Variants in SGCZ observed in about 807,000 individuals in gnomAD.
SGCZ encodes sarcoglycan zeta.
Under a neutral mutation model 41.3 loss-of-function variants are expected in SGCZ, and 40 were observed. The observed-to-expected ratio is 0.97, with a 90% CI of 0.75 to 1.26. The LOEUF is 1.26. SGCZ is among the 50% of genes most tolerant of loss of function. The pLI, the probability that SGCZ is intolerant of heterozygous loss-of-function variation, is 0.00. For synonymous variants in SGCZ, 206 were observed against 137.5 expected (o/e 1.50, Z -3.49); for missense variants, 552 against 369.8 (o/e 1.49, Z -4.04).
chr8:15,157,798 C>G (rs771065150), intron 1 of SGCZ, among the ~76,000 whole-genome samples: 7 of 152,178 alleles, frequency 4.6e-5, no homozygotes, highest in Non-Finnish European at 7.3e-5. Flanking sequence ...CTGAACTATG[C>G]TAGTGGAATA....
At chr8:14,567,589 A>G (rs1382100081) in intron 1 of SGCZ, among the ~76,000 whole-genome samples, 2 of 152,136 alleles carry the variant, frequency 1.3e-5, no homozygotes, top group Non-Finnish European at 2.9e-5. Flanking sequence ...TAAGAGAATA[A>G]AAGCAGGCTG....
chr8:14,268,043 T>C (rs544073873), intron 3 of SGCZ, among the ~76,000 whole-genome samples: 1 of 151,328 alleles, frequency 6.6e-6, no homozygotes, highest in Admixed American at 6.6e-5. Context: ...TAATTTACTT[T>C]TTCTTCAAAG....
At chr8:15,097,570 T>G (rs1045645973) in intron 1 of SGCZ, among the ~76,000 whole-genome samples, 2 of 151,328 alleles carry the variant, frequency 1.3e-5, no homozygotes, top group Admixed American at 6.6e-5. Flanking sequence ...CACAACAAAG[T>G]GAAACCCCAT....
At chr8:14,445,740 C>A (rs1261455977) in intron 2 of SGCZ, among the ~76,000 whole-genome samples, 1 of 152,180 alleles carries the variant, frequency 6.6e-6, no homozygotes, top group African/African-American at 2.4e-5. Flanking sequence ...GCAGCCTCCC[C>A]AGGTGATGTG....
intron 1 of SGCZ, among the ~76,000 whole-genome samples, chr8:15,161,751 G>C (rs939822045): frequency 2.0e-5 from 3 of 152,210 alleles, no homozygotes; most frequent in Non-Finnish European, 4.4e-5. Flanking sequence ...AAATTAAAAA[G>C]AGGCTGGGTG....
intron 1 of SGCZ, among the ~76,000 whole-genome samples, chr8:15,142,797 G>A (rs1263844219): frequency 6.6e-6 from 1 of 151,884 alleles, no homozygotes; most frequent in African/African-American, 2.4e-5. Context: ...TTTTTGTAGA[G>A]GCAGGGTTTT....
chr8:14,224,171 A>G (rs890111935), intron 4 of SGCZ, among the ~76,000 whole-genome samples: 1 of 152,210 alleles, frequency 6.6e-6, no homozygotes, highest in East Asian at 1.9e-4. Context: ...AAATGATACA[A>G]TATGGACTGA....
intron 1 of SGCZ, among the ~76,000 whole-genome samples, chr8:15,112,475 T>G (rs553014955): frequency 6.6e-6 from 1 of 152,354 alleles, no homozygotes; most frequent in African/African-American, 2.4e-5. Flanking sequence ...TGCAGTGGTT[T>G]AAAAACATCT....
intron 1 of SGCZ, among the ~76,000 whole-genome samples, chr8:14,714,281 A>G (rs1020443616): frequency 1.3e-5 from 2 of 152,082 alleles, no homozygotes; most frequent in East Asian, 3.9e-4. Flanking sequence ...AATTTTCTTT[A>G]CCATATGCTG....
chr8:14,833,111 A>G (rs570308950), intron 1 of SGCZ, among the ~76,000 whole-genome samples: 8 of 152,144 alleles, frequency 5.3e-5, no homozygotes, highest in Non-Finnish European at 7.4e-5. Flanking sequence ...AATGTAGCCT[A>G]TTTATGAAAA....
At chr8:14,961,909 C>T (rs370595287) in intron 1 of SGCZ, among the ~76,000 whole-genome samples, 6 of 152,158 alleles carry the variant, frequency 3.9e-5, no homozygotes, top group African/African-American at 1.4e-4. Flanking sequence ...AGGAGCAAGC[C>T]AATGTATGTC....
At chr8:14,222,152 G>A (rs1806217690) in intron 4 of SGCZ, among the ~76,000 whole-genome samples, 1 of 151,910 alleles carries the variant, frequency 6.6e-6, no homozygotes, top group Non-Finnish European at 1.5e-5. Flanking sequence ...GGTTTTTGTT[G>A]TTGTTGTTGC....
intron 1 of SGCZ, among the ~76,000 whole-genome samples, chr8:15,009,538 C>T (rs1392542612): frequency 2.0e-5 from 3 of 152,160 alleles, no homozygotes; most frequent in African/African-American, 7.2e-5. Context: ...AGGAAAATGG[C>T]ATCCACTTAG....
chr8:14,670,877 T>G (rs1283651826), intron 1 of SGCZ, among the ~76,000 whole-genome samples: 1 of 152,232 alleles, frequency 6.6e-6, no homozygotes, highest in Non-Finnish European at 1.5e-5. Flanking sequence ...TCAAGCTATC[T>G]GGCTGCACAG....
intron 1 of SGCZ, among the ~76,000 whole-genome samples, chr8:14,896,172 A>G (rs1216777056): frequency 1.3e-5 from 2 of 152,150 alleles, no homozygotes; most frequent in Non-Finnish European, 2.9e-5. Context: ...TATTTTGGTC[A>G]TTTTCTTTTA....
rs375628887 is a variant in SGCZ, at chr8:14,087,544, T to C, written c.*2899A>G. Among the ~76,000 whole-genome samples, 1 of 151,616 alleles carries C rather than the reference T, an allele frequency of 6.6e-6. No homozygotes were observed. Among genetic ancestry groups the C allele is most frequent in the East Asian group, 1.9e-4 (1 of 5,146 alleles). On this transcript the variant is annotated 3_prime_UTR_variant, in exon 8 of 8. Transcript: ENST00000382080. ...AGATACGGGTAATAAGATAGCTTAG[T>C]CGCATCCATGTAGTACACTATAAAG...
chr8:14,209,487 A>T (rs1805727214), intron 4 of SGCZ, among the ~76,000 whole-genome samples: 3 of 152,108 alleles, frequency 2.0e-5, no homozygotes. Context: ...ACAGATCAGG[A>T]GTGTGGAAAG....
chr8:14,361,432 T>C (rs1260225687), intron 2 of SGCZ, among the ~76,000 whole-genome samples: 1 of 152,224 alleles, frequency 6.6e-6, no homozygotes, highest in East Asian at 1.9e-4. Flanking sequence ...ATTAATTTGC[T>C]CTTCAATCAC....
intron 1 of SGCZ, among the ~76,000 whole-genome samples, chr8:14,858,627 C>T (rs1803621390): frequency 6.6e-6 from 1 of 152,090 alleles, no homozygotes; most frequent in South Asian, 2.1e-4. Context: ...AATCTGAAAC[C>T]TATAAACGAA....
Sources: gnomAD v4.1 joint callset for allele counts (sites outside exome capture counted in the v4.1 genomes callset) on GRCh38, gnomAD v4.1.1 for gene constraint, MANE v1.5 for transcripts, NCBI Gene and HGNC (gene_info 2026-07-23, HGNC 2026-07-21) for gene names.